The following HVCN1 variants were observed in gnomAD, a reference collection of about 807,000 sequenced individuals.
HVCN1 encodes voltage-gated hydrogen channel 1.
Under a neutral mutation model 29.2 loss-of-function variants are expected in HVCN1, and 14 were observed. The observed-to-expected ratio is 0.48, with a 90% CI of 0.32 to 0.75. HVCN1 has a LOEUF of 0.75. Among genes scored for constraint, HVCN1 ranks in the 30% least tolerant of loss-of-function variants. HVCN1 has a pLI of 0.04. For synonymous variants in HVCN1, 131 were observed against 133.2 expected (o/e 0.98, Z 0.11); for missense variants, 263 against 341.8 (o/e 0.77, Z 1.82).
chr12:110,680,550 C>T (rs1295063612), intron 3 of HVCN1, among the ~76,000 whole-genome samples: 5 of 152,192 alleles, frequency 3.3e-5, no homozygotes, highest in African/African-American at 7.2e-5. Flanking sequence ...ACAATCCCTG[C>T]ACACCAAACT....
At chr12:110,688,027 T>C (rs1269691324) in intron 2 of HVCN1, 1 of 152,224 alleles carries the variant, frequency 6.6e-6, no homozygotes, top group Non-Finnish European at 1.5e-5. Flanking sequence ...CCGGAAATCC[T>C]GCAGATCTCA....
At chr12:110,699,263 G>T (rs2069537612) in intron 2 of HVCN1, among the ~76,000 whole-genome samples, 1 of 152,174 alleles carries the variant, frequency 6.6e-6, no homozygotes, top group South Asian at 2.1e-4. Flanking sequence ...ACACTCGCTG[G>T]GTCCCTGGTG....
rs1015249313 is a variant in HVCN1 at position 110,648,986 on chromosome 12, A to G, written c.*424T>C. 1 of 450,258 alleles carries G rather than the reference A, an allele frequency of 2.2e-6. No individual in the cohort carries two copies. The highest frequency in any genetic ancestry group is 4.3e-6 in the Non-Finnish European group (1 of 229,974). The allele number at this position is 450,258 out of a possible 1,614,324, so 27.9% of individuals were successfully genotyped here. On this transcript the variant is annotated 3_prime_UTR_variant, in exon 8 of 8. Coordinates refer to ENST00000242607, the MANE Select transcript of HVCN1 (RefSeq NM_032369.4). ...AAGCTATTTAGAACAGCTTGAAAAT[A>G]AGAGACTTTTCTAGAATGGGGTGGC...
intron 5 of HVCN1, among the ~76,000 whole-genome samples, chr12:110,651,803 C>CA (rs1346870157): frequency 3.3e-5 from 5 of 152,186 alleles, no homozygotes; most frequent in Non-Finnish European, 5.9e-5. Context: ...GTCCATTAGA[C>CA]AGAAATGTCC....
intron 5 of HVCN1, 136 bp downstream of exon 5, chr12:110,655,098 A>G: frequency 3.3e-6 from 2 of 600,760 alleles, no homozygotes; most frequent in Admixed American, 5.3e-5. Flanking sequence ...GGAAAGGAAG[A>G]CGAAAACACC....
chr12:110,683,063 T>G, intron 3 of HVCN1, 162 bp downstream of exon 3: 1 of 925,564 alleles, frequency 1.1e-6, no homozygotes, highest in South Asian at 1.4e-5. Flanking sequence ...GGAGGTTTTG[T>G]GAAGTCCTTT....
chr12:110,670,920 G>A (rs576316971), intron 3 of HVCN1, among the ~76,000 whole-genome samples: 3 of 152,298 alleles, frequency 2.0e-5, no homozygotes, highest in African/African-American at 4.8e-5. Flanking sequence ...GGCCAGGCGC[G>A]GTAGCTCACG....
At position 110,657,168 on chromosome 12, in the gene HVCN1, G is replaced by A. The variant is rs142887067; in HGVS notation, c.307-1830C>T. On this transcript the variant is annotated intron_variant, in intron 4 of 7. Transcript: ENST00000242607. Reference sequence around the variant, plus strand: ...AGGGCTAGGGGAGGGGGAATGGGGAGTGACTGCTAATGGGTACCAGGTTTC... The same window carrying A: ...AGGGCTAGGGGAGGGGGAATGGGGAATGACTGCTAATGGGTACCAGGTTTC... 7.9e-5 allele frequency among the ~76,000 whole-genome samples: 12 copies of A among 152,326 alleles called. No homozygotes were observed. In the East Asian group the frequency reaches 2.1e-3, roughly 27 times the overall value.
In HVCN1 at chr12:110,659,778, C is replaced by T. The variant is rs114478341; in HGVS notation, c.306+1386G>A. 2.6e-3 allele frequency among the ~76,000 whole-genome samples: 396 copies of T among 151,814 alleles called. 1 individual carries two copies. Among genetic ancestry groups the T allele is most frequent in the African/African-American group, 8.9e-3 (368 of 41,368 alleles). The stretch of plus-strand genomic sequence containing the variant: ...TTAAAAAAAAAGCCCTTCTAAATGG[C>T]GGGACATGGCCAGGCATAGTGGCTC... On this transcript the variant is annotated intron_variant, in intron 4 of 7. Transcript: ENST00000242607.
intron 7 of HVCN1, 87 bp from the exon 8 acceptor site, chr12:110,649,562 G>C (rs1024723393): frequency 1.0e-4 from 93 of 931,578 alleles, no homozygotes; most frequent in Non-Finnish European, 1.4e-4. Flanking sequence ...CCCAGGCACA[G>C]GACCACAGAG....
At chr12:110,663,961 C>T (rs2068263453) in intron 3 of HVCN1, among the ~76,000 whole-genome samples, 2 of 152,070 alleles carry the variant, frequency 1.3e-5, no homozygotes, top group African/African-American at 4.8e-5. Flanking sequence ...ACTTGTCACC[C>T]AGGCTAGATG....
chr12:110,655,412 G>C, intron 4 of HVCN1, 74 bp from the exon 5 acceptor site: 1 of 1,181,980 alleles, frequency 8.5e-7, no homozygotes. Flanking sequence ...ATTAAGAGCT[G>C]GCTTGGAAGC....
chr12:110,667,306 G>A (rs1336714596), intron 3 of HVCN1, among the ~76,000 whole-genome samples: 3 of 152,066 alleles, frequency 2.0e-5, no homozygotes, highest in South Asian at 4.1e-4. Flanking sequence ...GCTAAGTTTT[G>A]TAATTTTAGT....
upstream of HVCN1, among the ~76,000 whole-genome samples, chr12:110,690,974 C>T (rs544066683): frequency 3.9e-5 from 6 of 152,002 alleles, no homozygotes; most frequent in South Asian, 4.1e-4. Flanking sequence ...AGGCTGGTCT[C>T]GAACTTCTGA....
At chr12:110,666,422 AAAAAGAAAAG>A (rs59983139) in intron 3 of HVCN1, among the ~76,000 whole-genome samples, 25 of 151,874 alleles carry the variant, frequency 1.6e-4, no homozygotes, top group Admixed American at 5.2e-4. Context: ...GACTCCGCCT[AAAAAGAAAAG>A]AAAAGAAAAG....
intron 3 of HVCN1, among the ~76,000 whole-genome samples, chr12:110,664,327 G>A (rs2068274215): frequency 6.6e-6 from 1 of 152,128 alleles, no homozygotes; most frequent in Non-Finnish European, 1.5e-5. Context: ...AATGAATCTA[G>A]CAATGTGGAT....
At chr12:110,701,570 C>T (rs2069564239) in intron 2 of HVCN1, among the ~76,000 whole-genome samples, 1 of 152,166 alleles carries the variant, frequency 6.6e-6, no homozygotes, top group South Asian at 2.1e-4. Context: ...TAAAACAGGT[C>T]CCTGAGCTGG....
intron 3 of HVCN1, 176 bp downstream of exon 3, chr12:110,683,049 A>G (rs1374745423): frequency 1.3e-6 from 1 of 769,768 alleles, no homozygotes; most frequent in Non-Finnish European, 2.2e-6. Context: ...ATATCAGGCT[A>G]CTTGGAGGTT....
At position 110,650,256 on chromosome 12, in the gene HVCN1, C is replaced by T. The variant is rs145225388; in HGVS notation, c.668G>A (p.Arg223His). The change falls in exon 7 of 8, where the codon CGT becomes CAT. Residue 223 changes from arginine (R) to histidine (H), a missense_variant. Arg to His is a conservative substitution (Grantham distance 29). Coordinates refer to ENST00000242607, the MANE Select transcript of HVCN1 (RefSeq NM_032369.4). ...INGIIISVKT[R>H]SERQLLRLKQ... Reference sequence around the variant, plus strand: ...TAACCTTAAGAGTTGCCGTTCTGAACGTGTCTTAACTGAGATGATAATCCC... The same window carrying T: ...TAACCTTAAGAGTTGCCGTTCTGAATGTGTCTTAACTGAGATGATAATCCC... 746 of 1,611,720 alleles carry T rather than the reference C, an allele frequency of 4.6e-4. No individual in the cohort carries two copies. The highest frequency in any genetic ancestry group is 6.0e-4 in the Non-Finnish European group (704 of 1,177,962).
Sources: gnomAD v4.1 joint callset for allele counts (sites outside exome capture counted in the v4.1 genomes callset) on GRCh38, gnomAD v4.1.1 for gene constraint, MANE v1.5 for transcripts, NCBI Gene and HGNC (gene_info 2026-07-23, HGNC 2026-07-21) for gene names.